ARHGAP24: variants seen among roughly 807,000 people sequenced by gnomAD.
The protein encoded by ARHGAP24 is rho GTPase-activating protein 24.
A neutral mutation model predicts 76.4 loss-of-function variants in ARHGAP24; 50 were observed. That is an observed-to-expected ratio of 0.65 (90% confidence interval 0.52 to 0.83). ARHGAP24 has a LOEUF of 0.83. Among genes scored for constraint, ARHGAP24 ranks in the 40% least tolerant of loss-of-function variants. The pLI, the probability that ARHGAP24 is intolerant of heterozygous loss-of-function variation, is 0.00. For missense variants in ARHGAP24, 930 were observed against 914.2 expected, an observed-to-expected ratio of 1.02 and a Z score of -0.22; for synonymous variants, 345 against 323.3, an observed-to-expected ratio of 1.07 and a Z score of -0.72.
At position 85,608,281 on chromosome 4, in the gene ARHGAP24, T is replaced by A. The variant is rs72982056; in HGVS notation, c.180+37560T>A. On this transcript the variant is annotated intron_variant, in intron 2 of 9. Coordinates refer to ENST00000395184, the MANE Select transcript of ARHGAP24 (RefSeq NM_001025616.3). ...AAATACGGTATGCTAATATGGAATT[T>A]TTTTAAGGATGCCAATTACCTAATG... Among the ~76,000 whole-genome samples, 247 of 152,252 alleles carry A rather than the reference T, an allele frequency of 1.6e-3. 1 individual carries two copies. The highest frequency in any genetic ancestry group is 5.7e-3 in the African/African-American group (237 of 41,554).
chr4:85,707,272 C>A (rs995633472), intron 2 of ARHGAP24, among the ~76,000 whole-genome samples: 2 of 152,130 alleles, frequency 1.3e-5, no homozygotes, highest in African/African-American at 4.8e-5. Context: ...TACACCCATG[C>A]AAGGATATAT....
At position 85,916,392 on chromosome 4, in the gene ARHGAP24, C is replaced by T. The variant is rs114791046; in HGVS notation, c.269-7256C>T. ...GTTCACTCTGATGATAGCTTCTTCA[C>T]CTGGTCCAGAGCTGAGTTCAAGTTC... On this transcript the variant is annotated intron_variant, in intron 3 of 9. Coordinates refer to ENST00000395184, the MANE Select transcript of ARHGAP24 (RefSeq NM_001025616.3). Among the ~76,000 whole-genome samples the T allele has an allele frequency of 5.1e-3, 781 of 151,992 alleles. 6 individuals are homozygous for T. Among genetic ancestry groups the T allele is most frequent in the African/African-American group, 0.018 (748 of 41,504 alleles).
At chr4:85,666,974 G>A (rs1365326513) in intron 2 of ARHGAP24, among the ~76,000 whole-genome samples, 1 of 152,206 alleles carries the variant, frequency 6.6e-6, no homozygotes, top group African/African-American at 2.4e-5. Flanking sequence ...GAGGCAGTCT[G>A]CCCGTTCTCA....
intron 1 of ARHGAP24, among the ~76,000 whole-genome samples, chr4:85,521,757 A>C (rs78745997): frequency 0.014 from 2,193 of 152,312 alleles, 21 homozygotes; most frequent in Non-Finnish European, 0.023. Context: ...TTACAAGCAT[A>C]GTACATATTC....
chr4:85,921,690 G>A lies in ARHGAP24; in HGVS notation c.269-1958G>A, dbSNP rs145083299. Reference sequence around the variant, plus strand: ...TCAGATACGAGTTGTTTAAAGCAGGGGACCCCAACCCCTGGGCCCCACAGT... The same window carrying A: ...TCAGATACGAGTTGTTTAAAGCAGGAGACCCCAACCCCTGGGCCCCACAGT... On this transcript the variant is annotated intron_variant, in intron 3 of 9. Transcript: ENST00000395184. Among the ~76,000 whole-genome samples, 817 of 152,176 alleles carry A rather than the reference G, an allele frequency of 5.4e-3. 26 individuals are homozygous for A. The highest frequency in any genetic ancestry group is 0.048 in the Admixed American group (738 of 15,274).
intron 2 of ARHGAP24, among the ~76,000 whole-genome samples, chr4:85,699,206 T>C (rs1239909214): frequency 6.6e-6 from 1 of 152,228 alleles, no homozygotes; most frequent in Non-Finnish European, 1.5e-5. Context: ...AATCAGAGAC[T>C]ACAGCAGTAT....
chr4:85,797,591 T>C (rs1401250907), intron 3 of ARHGAP24, among the ~76,000 whole-genome samples: 1 of 152,262 alleles, frequency 6.6e-6, no homozygotes, highest in African/African-American at 2.4e-5. Context: ...ATTTGCTTTT[T>C]CTCCATTTCT....
At chr4:85,722,167 A>G in intron 3 of ARHGAP24, 195 bp downstream of exon 3, 1 of 548,146 alleles carries the variant, frequency 1.8e-6, no homozygotes, top group East Asian at 3.3e-5. Flanking sequence ...ACATACTCTG[A>G]CCACATAACT....
intron 2 of ARHGAP24, among the ~76,000 whole-genome samples, chr4:85,691,562 T>G (rs910789487): frequency 3.3e-5 from 5 of 152,216 alleles, no homozygotes; most frequent in Non-Finnish European, 7.4e-5. Context: ...AGTTAAATCT[T>G]GTTGGATTGT....
chr4:85,974,009 A>ATTTTTTTTTT (rs201491396), intron 6 of ARHGAP24, among the ~76,000 whole-genome samples: 1 of 127,118 alleles, frequency 7.9e-6, no homozygotes, highest in Non-Finnish European at 1.6e-5. Context: ...AGCCTGGCTA[A>ATTTTTTTTTT]TTTTTTTTTT....
At chr4:85,903,369 T>C (rs1510582) in intron 3 of ARHGAP24, among the ~76,000 whole-genome samples, 45,459 of 152,054 alleles carry the variant, frequency 0.3, 6,942 homozygotes, top group South Asian at 0.43. Flanking sequence ...GCTGAGCTTT[T>C]AGTTTTTTTG....
chr4:85,646,184 A>G (rs1032800660), intron 2 of ARHGAP24, among the ~76,000 whole-genome samples: 2 of 152,066 alleles, frequency 1.3e-5, no homozygotes, highest in African/African-American at 4.8e-5. Flanking sequence ...AGCCTCAACA[A>G]TTATTTTAAC....
At chr4:85,789,300 C>A (rs1424239842) in intron 3 of ARHGAP24, among the ~76,000 whole-genome samples, 5 of 150,312 alleles carry the variant, frequency 3.3e-5, no homozygotes, top group Non-Finnish European at 3.0e-5. Flanking sequence ...GATGCATGCC[C>A]ATAAATGGCA....
chr4:85,882,704 G>C (rs1327014573), intron 3 of ARHGAP24, among the ~76,000 whole-genome samples: 1 of 152,174 alleles, frequency 6.6e-6, no homozygotes, highest in African/African-American at 2.4e-5. Context: ...TTCCAAAGGA[G>C]AATAGAGAGG....
chr4:85,984,490 T>G (rs994604050), intron 8 of ARHGAP24, among the ~76,000 whole-genome samples: 1 of 152,086 alleles, frequency 6.6e-6, no homozygotes, highest in Admixed American at 6.5e-5. Flanking sequence ...CTAATCTAAT[T>G]TATGAGGGCT....
At chr4:85,647,343 T>A (rs1721762531) in intron 2 of ARHGAP24, among the ~76,000 whole-genome samples, 1 of 152,056 alleles carries the variant, frequency 6.6e-6, no homozygotes, top group African/African-American at 2.4e-5. Flanking sequence ...ATGGGAAAAA[T>A]TATCTAACAT....
chr4:85,552,541 T>A (rs1451683593), intron 1 of ARHGAP24, among the ~76,000 whole-genome samples: 1 of 152,184 alleles, frequency 6.6e-6, no homozygotes, highest in East Asian at 1.9e-4. Context: ...GTCCATTTGG[T>A]CAAGTGTTGA....
chr4:85,783,047 A>G (rs1727637583), intron 3 of ARHGAP24, among the ~76,000 whole-genome samples: 1 of 152,202 alleles, frequency 6.6e-6, no homozygotes, highest in South Asian at 2.1e-4. Context: ...CCATTTAATA[A>G]ATTCTGAAAT....
chr4:85,661,736 G>A (rs4259055), intron 2 of ARHGAP24, among the ~76,000 whole-genome samples: 2 of 148,060 alleles, frequency 1.4e-5, no homozygotes, highest in Non-Finnish European at 3.0e-5. Flanking sequence ...TCTCATTGTT[G>A]AATTCCCACC....
Sources: gnomAD v4.1 joint callset for allele counts (sites outside exome capture counted in the v4.1 genomes callset) on GRCh38, gnomAD v4.1.1 for gene constraint, MANE v1.5 for transcripts, NCBI Gene and HGNC (gene_info 2026-07-23, HGNC 2026-07-21) for gene names.